The following PCDHA4 variants were observed in gnomAD, a reference collection of about 807,000 sequenced individuals.
PCDHA4 encodes protocadherin alpha 4.
A neutral mutation model predicts 61.4 loss-of-function variants in PCDHA4; 49 were observed. The observed-to-expected ratio is 0.80, with a 90% CI of 0.63 to 1.01. The LOEUF is 1.01. Ranked by LOEUF, PCDHA4 falls within the 50% of genes least tolerant of loss-of-function variation. The pLI is 0.00. For missense variants in PCDHA4, 1,254 were observed against 1,235.8 expected (o/e 1.01, Z -0.22); for synonymous variants, 590 against 550.3 (o/e 1.07, Z -1.01).
At chr5:140,887,130 T>C (rs1164233833) in intron 1 of PCDHA4, among the ~76,000 whole-genome samples, 1 of 151,716 alleles carries the variant, frequency 6.6e-6, no homozygotes, top group African/African-American at 2.4e-5. Context: ...GGAGTCTCAC[T>C]CTGTCGCCCA....
chr5:140,877,411 C>T (rs781874450), intron 1 of PCDHA4: 75 of 1,613,818 alleles, frequency 4.6e-5, no homozygotes, highest in Non-Finnish European at 6.0e-5. Context: ...GCGCCACCGC[C>T]TGCTGGTGCT....
At chr5:141,009,301 T>C (rs942481990) in intron 3 of PCDHA4, among the ~76,000 whole-genome samples, 1 of 152,122 alleles carries the variant, frequency 6.6e-6, no homozygotes, top group Admixed American at 6.5e-5. Flanking sequence ...TAAAATTTTT[T>C]TTAAAAAGCT....
intron 1 of PCDHA4, among the ~76,000 whole-genome samples, chr5:140,844,991 A>G (rs1435563145): frequency 2.0e-5 from 3 of 149,284 alleles, no homozygotes; most frequent in South Asian, 4.3e-4. Flanking sequence ...AAATCTTTTA[A>G]TCACTTATGA....
intron 1 of PCDHA4, chr5:140,848,033 C>T (rs1781291079): frequency 6.3e-6 from 1 of 158,434 alleles, no homozygotes; most frequent in Non-Finnish European, 1.4e-5. Flanking sequence ...CGTGATTGCT[C>T]AATGGAATCA....
intron 1 of PCDHA4, among the ~76,000 whole-genome samples, chr5:140,934,191 C>T (rs563342404): frequency 6.6e-6 from 1 of 152,224 alleles, no homozygotes; most frequent in African/African-American, 2.4e-5. Flanking sequence ...ACATACTTTT[C>T]ATTTCTATTT....
chr5:140,823,403 C>T (rs2150125598), intron 1 of PCDHA4: 1 of 1,613,188 alleles, frequency 6.2e-7, no homozygotes. Flanking sequence ...GGCGTGCCGC[C>T]TCTGGGCAGC....
In PCDHA4 at chr5:140,982,560, C is replaced by T. The variant is rs782437404; in HGVS notation, c.2530C>T (p.Pro844Ser). 6.2e-7 allele frequency: 1 copy of T among 1,614,098 alleles called. No homozygotes were observed. Among genetic ancestry groups the T allele is most frequent in the Admixed American group, 1.7e-5 (1 of 60,022 alleles). ...GTGGCCAACAGTATCCAGTGCAACA[C>T]CAGGTAAAGAGCTGGGGTCTCTCCA... ...QQWPTVSSAT[P>S]EPEAGEVSPP... The change falls in exon 3 of 4, where the codon CCA (proline) becomes TCA (serine). Residue 844 changes from proline (P) to serine (S), a missense_variant. Coordinates refer to ENST00000530339, the MANE Select transcript of PCDHA4 (RefSeq NM_018907.4).
At chr5:140,896,346 G>A (rs1466880160) in intron 1 of PCDHA4, among the ~76,000 whole-genome samples, 17 of 151,992 alleles carry the variant, frequency 1.1e-4, no homozygotes, top group African/African-American at 3.4e-4. Flanking sequence ...TTATATTCCC[G>A]CCAGCAGTGT....
intron 1 of PCDHA4, among the ~76,000 whole-genome samples, chr5:140,957,852 A>ATT (rs5871756): frequency 1.3e-5 from 2 of 151,656 alleles, no homozygotes; most frequent in East Asian, 1.9e-4. Flanking sequence ...GAGTTTGTGT[A>ATT]TTTTTTTTCC....
At chr5:140,924,725 C>G (rs1015635507) in intron 1 of PCDHA4, among the ~76,000 whole-genome samples, 1 of 151,698 alleles carries the variant, frequency 6.6e-6, no homozygotes, top group East Asian at 1.9e-4. Context: ...CGAAACCTCA[C>G]CTCTAATAAA....
chr5:140,861,885 C>G (rs2047123718), intron 1 of PCDHA4: 1 of 155,106 alleles, frequency 6.4e-6, no homozygotes, highest in Non-Finnish European at 1.4e-5. Flanking sequence ...GCTGAGCTGA[C>G]AGGCACCAAA....
At chr5:140,957,397 A>C (rs553656426) in intron 1 of PCDHA4, among the ~76,000 whole-genome samples, 1 of 152,282 alleles carries the variant, frequency 6.6e-6, no homozygotes, top group South Asian at 2.1e-4. Context: ...AATTGTCCTA[A>C]TTTATTATTA....
At chr5:140,861,696 G>C (rs2047025266) in intron 1 of PCDHA4, 1 of 223,632 alleles carries the variant, frequency 4.5e-6, no homozygotes, top group South Asian at 6.6e-5. Context: ...GAGGGTGTCT[G>C]TGATGCCGAC....
chr5:140,821,675 A>C, intron 1 of PCDHA4: 2 of 1,308,536 alleles, frequency 1.5e-6, no homozygotes, highest in Non-Finnish European at 2.1e-6. Context: ...GAAGCTCAGA[A>C]AGGCGATAAT....
intron 1 of PCDHA4, chr5:140,812,485 T>G (rs1765118211): frequency 6.6e-6 from 1 of 152,148 alleles, no homozygotes; most frequent in African/African-American, 2.4e-5. Context: ...TGCTCTAATC[T>G]TTATTATAGT....
chr5:140,963,438 CT>C (rs2095766112), intron 1 of PCDHA4, among the ~76,000 whole-genome samples: 1 of 152,242 alleles, frequency 6.6e-6, no homozygotes, highest in Admixed American at 6.5e-5. Context: ...TAACTTCATA[CT>C]CTGTTGCTAA....
Position 140,857,539 on chromosome 5 carries a change from G to A in PCDHA4, c.2385+47967G>A, listed in dbSNP as rs782469087. The A allele has an allele frequency of 1.3e-5, 20 of 1,597,384 alleles. 1 individual carries two copies. Among genetic ancestry groups the A allele is most frequent in the Non-Finnish European group, 1.7e-5 (20 of 1,167,720 alleles). ...TGTCCTACTCTCTGGTGGAGCGGCG[G>A]TTGGGCGAGCGCTCGCTGTCGAGCT... On this transcript the variant is annotated intron_variant, in intron 1 of 3. Coordinates refer to ENST00000530339, the MANE Select transcript of PCDHA4 (RefSeq NM_018907.4).
chr5:140,857,544 G>T (rs1408742148), intron 1 of PCDHA4: 1 of 1,596,898 alleles, frequency 6.3e-7, no homozygotes, highest in Non-Finnish European at 8.6e-7. Flanking sequence ...CGGCGGTTGG[G>T]CGAGCGCTCG....
chr5:140,980,504 C>G (rs1440940887), intron 2 of PCDHA4, among the ~76,000 whole-genome samples: 4 of 152,122 alleles, frequency 2.6e-5, no homozygotes, highest in Non-Finnish European at 5.9e-5. Flanking sequence ...ATGGCATGTG[C>G]CTGTAGTTCC....
Sources: gnomAD v4.1 joint callset for allele counts (sites outside exome capture counted in the v4.1 genomes callset) on GRCh38, gnomAD v4.1.1 for gene constraint, MANE v1.5 for transcripts, NCBI Gene and HGNC (gene_info 2026-07-23, HGNC 2026-07-21) for gene names.